The following NOSTRIN variants were observed in gnomAD, a reference collection of about 807,000 sequenced individuals.
NOSTRIN encodes BM247 homolog.
Under a neutral mutation model 59.0 loss-of-function variants are expected in NOSTRIN, and 63 were observed. The ratio of observed to expected loss-of-function variants is 1.07; its 90% CI spans 0.87 to 1.32. The LOEUF is 1.32. NOSTRIN is among the 40% of genes most tolerant of loss of function. NOSTRIN has a pLI of 0.00. For missense variants in NOSTRIN, 512 were observed against 473.1 expected, an observed-to-expected ratio of 1.08 and a Z score of -0.76; for synonymous variants, 200 against 165.4, an observed-to-expected ratio of 1.21 and a Z score of -1.61.
chr2:168,786,670 C>G (rs1441236918), intron 1 of NOSTRIN: 2 of 152,090 alleles, frequency 1.3e-5, no homozygotes, highest in East Asian at 3.9e-4. Context: ...AGGCAAAGGT[C>G]AAGCCAGCCA....
intron 11 of NOSTRIN, 28 bp from the exon 12 acceptor site, chr2:168,856,662 G>A (rs757511120): frequency 1.2e-6 from 2 of 1,604,586 alleles, no homozygotes; most frequent in Middle Eastern, 1.7e-4. Flanking sequence ...AGTGTGAAAG[G>A]TGACTGAGAA....
rs563859498 is a variant in NOSTRIN at position 168,807,269 on chromosome 2, T to TAC, written c.28-4286_28-4285dup. On this transcript the variant is annotated intron_variant, in intron 1 of 15. Coordinates refer to ENST00000317647, the MANE Select transcript of NOSTRIN (RefSeq NM_001039724.4). ...TTCTGAACACACACACACACATACATACACACACACACAGAGAGAGAGAGA... is the reference window on the plus strand; with the variant it reads ...TTCTGAACACACACACACACATACATACACACACACACACAGAGAGAGAGAGA... Among the ~76,000 whole-genome samples, 228 of 151,566 alleles carry TAC rather than the reference T, an allele frequency of 1.5e-3. 5 individuals carry two copies. In the South Asian group the frequency reaches 0.044, roughly 29 times the overall value.
intron 2 of NOSTRIN, among the ~76,000 whole-genome samples, chr2:168,821,901 A>G (rs1187886592): frequency 2.6e-5 from 4 of 152,268 alleles, no homozygotes; most frequent in Admixed American, 6.5e-5. Context: ...GTCAGCAGCA[A>G]TCGTTCCAGA....
chr2:168,802,034 C>T (rs929246387), upstream of NOSTRIN, among the ~76,000 whole-genome samples: 1 of 152,000 alleles, frequency 6.6e-6, no homozygotes, highest in South Asian at 2.1e-4. Flanking sequence ...TGGTGTCTGG[C>T]CCTGTGGGAT....
rs1443857186 is a variant in NOSTRIN, at chr2:168,864,892, T to A, written c.1443T>A (p.Asn481Lys). ...GAGGATGGTGGTTTGGATCTTTGAA[T>A]GGGAAAAAAGGCCATTTTCCTGCCG... ...KEGGWWFGSL[N>K]GKKGHFPAAY... The change falls in exon 16 of 16, where the codon AAT (asparagine) becomes AAA (lysine). Residue 481 changes from asparagine to lysine, a missense_variant. Transcript: ENST00000317647. 2 of 1,614,000 alleles carry A rather than the reference T, an allele frequency of 1.2e-6. No homozygotes were observed. Among genetic ancestry groups the A allele is most frequent in the Non-Finnish European group, 1.7e-6 (2 of 1,179,956 alleles).
rs190959228 is a variant in NOSTRIN, at chr2:168,803,747, T to A, written c.27+1074T>A. The stretch of plus-strand genomic sequence containing the variant: ...AATTTGTGCTTAATGTAGAAACAAA[T>A]TCCAATGATATGGTTATATATAGAT... On this transcript the variant is annotated intron_variant, in intron 1 of 15. Coordinates refer to ENST00000317647, the MANE Select transcript of NOSTRIN (RefSeq NM_001039724.4). 5.1e-4 allele frequency among the ~76,000 whole-genome samples: 77 copies of A among 152,350 alleles called. No homozygotes were observed. The East Asian group carries it at 0.014, about 27-fold the overall frequency.
At chr2:168,809,375 T>C (rs1291731505) in intron 1 of NOSTRIN, among the ~76,000 whole-genome samples, 1 of 152,308 alleles carries the variant, frequency 6.6e-6, no homozygotes, top group East Asian at 1.9e-4. Context: ...CTTGGATAGC[T>C]TTCAGTCACA....
intron 12 of NOSTRIN, among the ~76,000 whole-genome samples, chr2:168,858,519 A>G (rs1005798915): frequency 3.3e-5 from 5 of 152,196 alleles, no homozygotes; most frequent in Non-Finnish European, 7.3e-5. Context: ...TGTTGAGAAA[A>G]CTGGAGGCAC....
chr2:168,829,342 C>T (rs961369777), intron 5 of NOSTRIN, among the ~76,000 whole-genome samples: 5 of 142,060 alleles, frequency 3.5e-5, no homozygotes, highest in South Asian at 2.4e-4. Context: ...CTTTTTTTGA[C>T]GGAGTTTTGC....
chr2:168,816,229 C>T (rs1325176680), intron 2 of NOSTRIN, among the ~76,000 whole-genome samples: 1 of 152,166 alleles, frequency 6.6e-6, no homozygotes, highest in Non-Finnish European at 1.5e-5. Flanking sequence ...GCAAAGTTTC[C>T]TGAACTTGTG....
intron 8 of NOSTRIN, among the ~76,000 whole-genome samples, chr2:168,849,891 C>T (rs1688651374): frequency 6.7e-6 from 1 of 148,632 alleles, no homozygotes; most frequent in Non-Finnish European, 1.5e-5. Context: ...ACTCAGTTGG[C>T]ATGGGTCCAA....
intron 7 of NOSTRIN, 56 bp from the exon 8 acceptor site, chr2:168,842,936 A>T: frequency 1.2e-6 from 1 of 850,396 alleles, no homozygotes; most frequent in Admixed American, 1.8e-5. Flanking sequence ...CTATGGAATT[A>T]CAAAGGGCTT....
At chr2:168,802,357 T>C (rs1685641387), upstream of NOSTRIN, 1 of 364,124 alleles carries the variant, frequency 2.7e-6, no homozygotes, top group Non-Finnish European at 5.2e-6. Context: ...CTTCTCTGCC[T>C]TCTCTCAATG....
intron 7 of NOSTRIN, among the ~76,000 whole-genome samples, chr2:168,839,444 T>G (rs777362695): frequency 3.9e-5 from 6 of 152,164 alleles, no homozygotes; most frequent in African/African-American, 1.2e-4. Flanking sequence ...AGGGAGCCTG[T>G]CTTGTTCCAT....
chr2:168,838,028 C>T (rs1363175954), intron 7 of NOSTRIN, among the ~76,000 whole-genome samples: 1 of 152,156 alleles, frequency 6.6e-6, no homozygotes, highest in African/African-American at 2.4e-5. Flanking sequence ...TGATACAGTA[C>T]TCTTGATATC....
intron 10 of NOSTRIN, among the ~76,000 whole-genome samples, chr2:168,854,167 C>T (rs1234703665): frequency 6.6e-6 from 1 of 152,158 alleles, no homozygotes; most frequent in African/African-American, 2.4e-5. Context: ...CCACACCTGG[C>T]CCAGAATATA....
At chr2:168,844,482 C>G (rs1688286851) in intron 8 of NOSTRIN, among the ~76,000 whole-genome samples, 1 of 152,106 alleles carries the variant, frequency 6.6e-6, no homozygotes, top group Non-Finnish European at 1.5e-5. Flanking sequence ...CAGTGCTCCT[C>G]TTTTAGGCTG....
chr2:168,815,365 T>A (rs1327228796), intron 2 of NOSTRIN, among the ~76,000 whole-genome samples: 2 of 152,180 alleles, frequency 1.3e-5, no homozygotes, highest in African/African-American at 2.4e-5. Flanking sequence ...TTTAATACAA[T>A]TACAGATCAG....
chr2:168,821,966 C>G (rs543648233), intron 2 of NOSTRIN, among the ~76,000 whole-genome samples: 2 of 152,302 alleles, frequency 1.3e-5, no homozygotes, highest in Non-Finnish European at 1.5e-5. Context: ...TCATAAAACC[C>G]TCTTTAAGTA....
Sources: gnomAD v4.1 joint callset for allele counts (sites outside exome capture counted in the v4.1 genomes callset) on GRCh38, gnomAD v4.1.1 for gene constraint, MANE v1.5 for transcripts, NCBI Gene and HGNC (gene_info 2026-07-23, HGNC 2026-07-21) for gene names.